ARB2A: variants seen among roughly 807,000 people sequenced by gnomAD.
ARB2A encodes the protein cotranscriptional regulator ARB2A.
the ARB2A span, among the ~76,000 whole-genome samples, chr5:93,668,078 A>G: frequency 7.2e-5 from 11 of 152,308 alleles, no homozygotes; most frequent in South Asian, 1.0e-3. Context: ...AAAGCAATAT[A>G]AAAATATTAT....
At chr5:93,766,357 C>A in the ARB2A span, among the ~76,000 whole-genome samples, 5 of 152,114 alleles carry the variant, frequency 3.3e-5, no homozygotes, top group African/African-American at 4.8e-5. Context: ...AAACAAACAA[C>A]CCCATCAATA....
chr5:93,897,166 C>T, the ARB2A span, among the ~76,000 whole-genome samples: 1 of 151,858 alleles, frequency 6.6e-6, no homozygotes, highest in Non-Finnish European at 1.5e-5. Flanking sequence ...CCAAAATATC[C>T]CGGATCAAAA....
chr5:93,830,311 G>GTGTATGTGTGTGTGTATGTA, the ARB2A span, among the ~76,000 whole-genome samples: 1 of 82,262 alleles, frequency 1.2e-5, no homozygotes, highest in Non-Finnish European at 2.4e-5. Context: ...GTGTGTGTGT[G>GTGTATGTGTGTGTGTATGTA]TATATATATA....
At chr5:94,020,314 T>C in the ARB2A span, among the ~76,000 whole-genome samples, 27 of 151,556 alleles carry the variant, frequency 1.8e-4, no homozygotes, top group African/African-American at 6.6e-4. Flanking sequence ...TTAGGAGAAA[T>C]AACTAATGCA....
the ARB2A span, among the ~76,000 whole-genome samples, chr5:94,044,760 T>C: frequency 1.3e-5 from 2 of 151,800 alleles, no homozygotes; most frequent in Admixed American, 1.3e-4. Flanking sequence ...AGTAAAGAAG[T>C]TGGCCAAAAC....
At chr5:93,901,290 C>A in the ARB2A span, among the ~76,000 whole-genome samples, 1 of 152,120 alleles carries the variant, frequency 6.6e-6, no homozygotes, top group Non-Finnish European at 1.5e-5. Flanking sequence ...AAGATTGAAT[C>A]TACAAAGTAG....
At chr5:94,065,953 C>G in the ARB2A span, among the ~76,000 whole-genome samples, 1 of 152,082 alleles carries the variant, frequency 6.6e-6, no homozygotes. Context: ...ATGGAGCATT[C>G]TCCAGGATAG....
chr5:94,049,643 C>T, the ARB2A span, among the ~76,000 whole-genome samples: 1 of 146,392 alleles, frequency 6.8e-6, no homozygotes, highest in Non-Finnish European at 1.5e-5. Flanking sequence ...TTAGGTGAAA[C>T]CCCATCTCTA....
At chr5:93,860,152 G>A in the ARB2A span, among the ~76,000 whole-genome samples, 15 of 152,224 alleles carry the variant, frequency 9.9e-5, no homozygotes, top group South Asian at 2.1e-4. Context: ...AATTAGCCGG[G>A]TGTTGTGGCA....
chr5:94,076,263 G>T, the ARB2A span, among the ~76,000 whole-genome samples: 1 of 152,094 alleles, frequency 6.6e-6, no homozygotes, highest in East Asian at 1.9e-4. Flanking sequence ...AATGGTGTGA[G>T]ATATTCTAAA....
At chr5:93,786,440 A>C in the ARB2A span, among the ~76,000 whole-genome samples, 1 of 152,216 alleles carries the variant, frequency 6.6e-6, no homozygotes, top group Non-Finnish European at 1.5e-5. Context: ...ATAATCCAAT[A>C]TGATACTCTC....
chr5:93,747,454 T>A, the ARB2A span, among the ~76,000 whole-genome samples: 2,309 of 152,126 alleles, frequency 0.015, 38 homozygotes, highest in South Asian at 0.051. Flanking sequence ...GCAATGACCA[T>A]GGAAAATTCA....
At chr5:94,111,168 TAATAC>T in the ARB2A span, among the ~76,000 whole-genome samples, 1 of 152,022 alleles carries the variant, frequency 6.6e-6, no homozygotes. Context: ...AAAAAAAAAT[TAATAC>T]AACAACCACA....
At chr5:93,928,588 A>T in the ARB2A span, among the ~76,000 whole-genome samples, 2 of 152,166 alleles carry the variant, frequency 1.3e-5, no homozygotes, top group African/African-American at 4.8e-5. Context: ...ATCTATATGA[A>T]CACATCATAA....
chr5:93,862,007 G>T, the ARB2A span: 1 of 152,096 alleles, frequency 6.6e-6, no homozygotes, highest in Non-Finnish European at 1.5e-5. Flanking sequence ...ATGTATATTA[G>T]AACATTTGAA....
At chr5:93,975,428 GA>G in the ARB2A span, among the ~76,000 whole-genome samples, 1 of 151,270 alleles carries the variant, frequency 6.6e-6, no homozygotes, top group Admixed American at 6.6e-5. Flanking sequence ...CTGGTAGAAG[GA>G]AAAAATAATT....
the ARB2A span, among the ~76,000 whole-genome samples, chr5:93,826,023 A>G: frequency 6.6e-6 from 1 of 152,046 alleles, no homozygotes. Context: ...GGCCTTTTAC[A>G]TTTTTCCTAA....
the ARB2A span, among the ~76,000 whole-genome samples, chr5:93,777,363 A>G: frequency 6.6e-6 from 1 of 152,344 alleles, no homozygotes; most frequent in East Asian, 1.9e-4. Flanking sequence ...ATATGGACAC[A>G]AAGCCTCCAA....
At chr5:93,880,495 C>A in the ARB2A span, among the ~76,000 whole-genome samples, 2 of 151,640 alleles carry the variant, frequency 1.3e-5, no homozygotes, top group African/African-American at 4.8e-5. Context: ...TGAAATGTTA[C>A]TACTATCCTA....
Sources: gnomAD v4.1 joint callset for allele counts (sites outside exome capture counted in the v4.1 genomes callset) on GRCh38, gnomAD v4.1.1 for gene constraint, MANE v1.5 for transcripts, NCBI Gene and HGNC (gene_info 2026-07-23, HGNC 2026-07-21) for gene names.